The following GPC6 variants were observed in gnomAD, a reference collection of about 807,000 sequenced individuals.
The protein encoded by GPC6 is glypican-6.
GPC6 carries 14 observed loss-of-function variants against 55.2 expected under a neutral mutation model. The ratio of observed to expected loss-of-function variants is 0.25; its 90% confidence interval spans 0.17 to 0.40. The LOEUF is 0.40. GPC6 is among the 10% of genes least tolerant of loss of function. GPC6 has a pLI of 1.00. For missense variants in GPC6, 641 were observed against 708.5 expected, an observed-to-expected ratio of 0.90 and a Z score of 1.08; for synonymous variants, 278 against 259.6, an observed-to-expected ratio of 1.07 and a Z score of -0.68.
chr13:93,616,329 G>T (rs1594314230), intron 2 of GPC6, among the ~76,000 whole-genome samples: 1 of 152,068 alleles, frequency 6.6e-6, no homozygotes, highest in Admixed American at 6.6e-5. Flanking sequence ...AAATTTATTG[G>T]AGATGAGAAA....
intron 3 of GPC6, among the ~76,000 whole-genome samples, chr13:93,934,792 C>T: frequency 6.8e-6 from 1 of 148,012 alleles, no homozygotes; most frequent in Non-Finnish European, 1.5e-5. Context: ...TAGTGTCTGA[C>T]TTTGTGAATT....
chr13:94,358,793 G>A (rs1224784060), intron 6 of GPC6, among the ~76,000 whole-genome samples: 2 of 152,138 alleles, frequency 1.3e-5, no homozygotes, highest in African/African-American at 4.8e-5. Flanking sequence ...TGACTACAGA[G>A]TTTCCATGAT....
intron 6 of GPC6, among the ~76,000 whole-genome samples, chr13:94,373,138 ACT>A (rs1187282439): frequency 6.6e-6 from 1 of 152,176 alleles, no homozygotes; most frequent in Non-Finnish European, 1.5e-5. Context: ...AAAACTGGAA[ACT>A]CTAAAAAGCA....
chr13:93,385,919 C>A (rs1875378164), intron 1 of GPC6, among the ~76,000 whole-genome samples: 1 of 151,922 alleles, frequency 6.6e-6, no homozygotes. Context: ...AAACACTTGG[C>A]TAACACGGAT....
intron 3 of GPC6, among the ~76,000 whole-genome samples, chr13:93,859,339 A>T (rs1445660507): frequency 2.6e-5 from 4 of 151,670 alleles, no homozygotes; most frequent in Admixed American, 1.3e-4. Flanking sequence ...AAAATAAACT[A>T]TTCAGTGTTA....
intron 3 of GPC6, among the ~76,000 whole-genome samples, chr13:93,947,112 C>G (rs138658659): frequency 6.6e-6 from 1 of 152,052 alleles, no homozygotes. Context: ...TTTTGGCCTT[C>G]GAGAGGTATG....
At chr13:93,268,059 A>G (rs1189421037) in intron 1 of GPC6, among the ~76,000 whole-genome samples, 1 of 152,232 alleles carries the variant, frequency 6.6e-6, no homozygotes, top group Non-Finnish European at 1.5e-5. Context: ...CTAAAAATAA[A>G]TGATTATATT....
At chr13:94,313,790 CACTT>C (rs2139121180) in intron 6 of GPC6, among the ~76,000 whole-genome samples, 1 of 152,326 alleles carries the variant, frequency 6.6e-6, no homozygotes, top group African/African-American at 2.4e-5. Context: ...TCCTCAGAAA[CACTT>C]AAGCAAGAGC....
chr13:93,995,289 G>C lies in GPC6; in HGVS notation c.712-32440G>C, dbSNP rs563051891. 2.0e-5 allele frequency among the ~76,000 whole-genome samples: 3 copies of C among 151,960 alleles called. No homozygotes were observed. In the South Asian group the frequency reaches 6.2e-4, roughly 32 times the overall value. On this transcript the variant is annotated intron_variant, in intron 3 of 8. Coordinates refer to ENST00000377047, the MANE Select transcript of GPC6 (RefSeq NM_005708.5). ...TACAACTTCTGCCTCCTGGGTTCAA[G>C]CAATTCTCCTGGCACAGCCTCCCAA...
intron 3 of GPC6, among the ~76,000 whole-genome samples, chr13:93,944,328 C>T (rs1434221999): frequency 3.9e-5 from 6 of 151,940 alleles, no homozygotes; most frequent in African/African-American, 1.4e-4. Flanking sequence ...CTCAGCCTCC[C>T]GAGTAGTTGG....
At chr13:94,013,238 G>A (rs1472244052) in intron 3 of GPC6, among the ~76,000 whole-genome samples, 2 of 144,124 alleles carry the variant, frequency 1.4e-5, no homozygotes, top group Admixed American at 6.8e-5. Context: ...ATATATATAT[G>A]TCCGTTTATA....
At chr13:93,899,656 G>A (rs1241844836) in intron 3 of GPC6, among the ~76,000 whole-genome samples, 1 of 152,114 alleles carries the variant, frequency 6.6e-6, no homozygotes, top group Non-Finnish European at 1.5e-5. Context: ...CAATTTTAAT[G>A]AAGAAGCACT....
the GPC6 span, among the ~76,000 whole-genome samples, chr13:93,218,700 T>C: frequency 2.7e-4 from 41 of 152,220 alleles, no homozygotes; most frequent in Non-Finnish European, 1.3e-4. Flanking sequence ...CAGGTTTGTC[T>C]GGCCATATGG....
chr13:93,421,956 A>C (rs1876939014), intron 1 of GPC6, among the ~76,000 whole-genome samples: 1 of 152,200 alleles, frequency 6.6e-6, no homozygotes, highest in Non-Finnish European at 1.5e-5. Flanking sequence ...TGGTGCAATT[A>C]CATTATAGTT....
intron 1 of GPC6, among the ~76,000 whole-genome samples, chr13:93,411,660 A>G (rs1876498503): frequency 6.6e-6 from 1 of 152,168 alleles, no homozygotes. Context: ...TCTTCTCTGT[A>G]TAAAGAAAAT....
At chr13:94,190,114 A>C (rs1427503200) in intron 4 of GPC6, among the ~76,000 whole-genome samples, 2 of 151,796 alleles carry the variant, frequency 1.3e-5, no homozygotes, top group Non-Finnish European at 2.9e-5. Context: ...ACCTGAGCCC[A>C]GGAGTTCGAG....
intron 4 of GPC6, among the ~76,000 whole-genome samples, chr13:94,136,925 G>A (rs908858575): frequency 6.6e-6 from 1 of 152,142 alleles, no homozygotes; most frequent in Admixed American, 6.6e-5. Flanking sequence ...GCCATAGTGG[G>A]CGAGTAAAGA....
At chr13:93,933,450 A>C (rs1878282808) in intron 3 of GPC6, among the ~76,000 whole-genome samples, 1 of 152,130 alleles carries the variant, frequency 6.6e-6, no homozygotes. Flanking sequence ...GCTTTAAACC[A>C]GGCTCTACTA....
intron 6 of GPC6, among the ~76,000 whole-genome samples, chr13:94,337,762 G>A (rs909237726): frequency 2.0e-5 from 3 of 151,882 alleles, no homozygotes; most frequent in Non-Finnish European, 4.4e-5. Flanking sequence ...GTAGTTAGCT[G>A]TGTTTTTCAA....
Sources: allele counts gnomAD v4.1 joint callset (sites outside exome capture counted in the v4.1 genomes callset), GRCh38; gene constraint gnomAD v4.1.1; transcripts MANE v1.5; gene names NCBI Gene and HGNC (gene_info 2026-07-23, HGNC 2026-07-21).